MSRA: variants seen among roughly 807,000 people sequenced by gnomAD.
MSRA encodes methionine sulfoxide reductase A, also known as mitochondrial peptide methionine sulfoxide reductase.
In MSRA, 54 loss-of-function variants were observed where a neutral mutation model predicts 31.3. The observed-to-expected ratio is 1.73, with a 90% CI of 1.39 to 2.17. The LOEUF (loss-of-function observed/expected upper bound fraction) is 2.17, where lower values mean the gene tolerates loss of function less well. Among genes scored for constraint, MSRA ranks in the 30% most tolerant of loss-of-function variants. The probability of loss-of-function intolerance (pLI) is 0.00; values close to 1 mark genes in which losing one functional copy is unlikely to be tolerated. For synonymous variants in MSRA, 169 were observed against 116.5 expected (o/e 1.45, Z -2.90); for missense variants, 507 against 300.9 (o/e 1.69, Z -5.07).
chr8:10,281,285 C>T (rs1282673048), intron 3 of MSRA, among the ~76,000 whole-genome samples: 1 of 152,206 alleles, frequency 6.6e-6, no homozygotes, highest in Non-Finnish European at 1.5e-5. Flanking sequence ...TCTCTCTCAC[C>T]TCTCCCTCTC....
chr8:10,165,207 G>A (rs1805016908), intron 1 of MSRA, among the ~76,000 whole-genome samples: 1 of 152,162 alleles, frequency 6.6e-6, no homozygotes, highest in South Asian at 2.1e-4. Flanking sequence ...TATACGTTTT[G>A]AGCTGCTGGC....
intron 1 of MSRA, among the ~76,000 whole-genome samples, chr8:10,163,033 C>T (rs753589414): frequency 4.6e-5 from 7 of 151,998 alleles, no homozygotes; most frequent in African/African-American, 1.2e-4. Context: ...TACGAGAGTG[C>T]GACCCTCATG....
At chr8:10,422,891 C>T (rs1483997603) in intron 5 of MSRA, among the ~76,000 whole-genome samples, 1 of 152,232 alleles carries the variant, frequency 6.6e-6, no homozygotes, top group Admixed American at 6.5e-5. Flanking sequence ...ATGACCTGAA[C>T]TCATTCTCCA....
intron 2 of MSRA, among the ~76,000 whole-genome samples, chr8:10,244,594 A>G (rs1797514797): frequency 1.3e-5 from 2 of 152,206 alleles, no homozygotes; most frequent in African/African-American, 4.8e-5. Context: ...ATAGTGATTA[A>G]AAAAATGAAA....
At chr8:10,060,461 G>C (rs1802648750) in intron 1 of MSRA, among the ~76,000 whole-genome samples, 1 of 152,174 alleles carries the variant, frequency 6.6e-6, no homozygotes, top group African/African-American at 2.4e-5. Flanking sequence ...TGGCTGAGGA[G>C]GGGGCTGTGT....
At chr8:10,264,975 TG>T (rs1267156214) in intron 3 of MSRA, among the ~76,000 whole-genome samples, 1 of 152,124 alleles carries the variant, frequency 6.6e-6, no homozygotes, top group Non-Finnish European at 1.5e-5. Context: ...GGGGTACAGC[TG>T]GGGTCTTGGT....
chr8:10,399,482 C>T (rs191788450), intron 5 of MSRA, among the ~76,000 whole-genome samples: 18 of 152,236 alleles, frequency 1.2e-4, no homozygotes, highest in South Asian at 4.2e-4. Flanking sequence ...GGTGCCTCTC[C>T]GGTCTCTTTT....
chr8:10,370,523 T>C (rs1393551772), intron 5 of MSRA, among the ~76,000 whole-genome samples: 1 of 152,254 alleles, frequency 6.6e-6, no homozygotes, highest in Non-Finnish European at 1.5e-5. Flanking sequence ...CATTTAATCA[T>C]TTATTCATCC....
At chr8:10,250,332 G>T in intron 3 of MSRA, 1 of 677,472 alleles carries the variant, frequency 1.5e-6, no homozygotes, top group Non-Finnish European at 2.7e-6. Context: ...TAATTTCAGT[G>T]CATTAGCCTA....
chr8:10,085,328 C>T (rs1798505900), intron 1 of MSRA, among the ~76,000 whole-genome samples: 1 of 152,168 alleles, frequency 6.6e-6, no homozygotes, highest in South Asian at 2.1e-4. Flanking sequence ...TCTGTAAGGC[C>T]TCCCCAGTGC....
intron 1 of MSRA, among the ~76,000 whole-genome samples, chr8:10,138,673 A>AT (rs1158431743): frequency 6.6e-6 from 1 of 152,114 alleles, no homozygotes; most frequent in African/African-American, 2.4e-5. Flanking sequence ...AAACACATTT[A>AT]TTTTTTTCTT....
At chr8:10,203,198 G>C (rs1029177319) in intron 1 of MSRA, among the ~76,000 whole-genome samples, 3 of 152,150 alleles carry the variant, frequency 2.0e-5, no homozygotes, top group African/African-American at 7.2e-5. Flanking sequence ...AATTCATGCA[G>C]TATTTCTGGT....
chr8:10,416,742 C>T (rs1024874347), intron 5 of MSRA, among the ~76,000 whole-genome samples: 8 of 152,206 alleles, frequency 5.3e-5, no homozygotes, highest in African/African-American at 1.4e-4. Flanking sequence ...GGATTCGGTA[C>T]GTCTGGGGAA....
At chr8:10,213,303 C>A (rs937237894) in intron 2 of MSRA, among the ~76,000 whole-genome samples, 3 of 151,884 alleles carry the variant, frequency 2.0e-5, no homozygotes, top group African/African-American at 7.3e-5. Flanking sequence ...TGATGTTTGT[C>A]TTTTTGTGCT....
At chr8:10,063,101 G>A (rs1425420594) in intron 1 of MSRA, among the ~76,000 whole-genome samples, 4 of 152,032 alleles carry the variant, frequency 2.6e-5, no homozygotes, top group Non-Finnish European at 4.4e-5. Context: ...ACCAAACTTA[G>A]CATTTTGTTT....
intron 1 of MSRA, among the ~76,000 whole-genome samples, chr8:10,084,571 T>A (rs1307218139): frequency 3.3e-5 from 5 of 152,248 alleles, no homozygotes; most frequent in Non-Finnish European, 5.9e-5. Context: ...TTTATTACTC[T>A]ATGATCTTGG....
At chr8:10,334,824 G>A (rs894842395) in intron 5 of MSRA, among the ~76,000 whole-genome samples, 13 of 152,222 alleles carry the variant, frequency 8.5e-5, no homozygotes, top group African/African-American at 2.9e-4. Flanking sequence ...TACTCCCTCT[G>A]GTGGGACCAT....
intron 5 of MSRA, among the ~76,000 whole-genome samples, chr8:10,339,668 A>C (rs759080604): frequency 2.0e-5 from 3 of 148,708 alleles, no homozygotes; most frequent in Admixed American, 6.7e-5. Context: ...CAGCCTCCCG[A>C]CTAGGTGGGG....
chr8:10,233,649 G>T (rs1351314673), intron 2 of MSRA, among the ~76,000 whole-genome samples: 2 of 152,192 alleles, frequency 1.3e-5, no homozygotes, highest in African/African-American at 2.4e-5. Flanking sequence ...GGAAAAAGAA[G>T]AATGTATCTA....
Sources: gnomAD v4.1 joint callset for allele counts (sites outside exome capture counted in the v4.1 genomes callset) on GRCh38, gnomAD v4.1.1 for gene constraint, MANE v1.5 for transcripts, NCBI Gene and HGNC (gene_info 2026-07-23, HGNC 2026-07-21) for gene names.